MGAT4C: variants seen among roughly 807,000 people sequenced by gnomAD.
MGAT4C encodes the protein alpha-1,3-mannosyl-glycoprotein 4-beta-N-acetylglucosaminyltransferase C.
A neutral mutation model predicts 40.1 loss-of-function variants in MGAT4C; 19 were observed. The observed-to-expected ratio is 0.47, with a 90% CI of 0.33 to 0.70. The LOEUF (loss-of-function observed/expected upper bound fraction) is 0.70, where lower values mean the gene tolerates loss of function less well. MGAT4C is among the 30% of genes least tolerant of loss of function. The probability of loss-of-function intolerance (pLI) is 0.02; values close to 1 mark genes in which losing one functional copy is unlikely to be tolerated. For missense variants in MGAT4C, 491 were observed against 563.2 expected, an observed-to-expected ratio of 0.87 and a Z score of 1.30; for synonymous variants, 181 against 187.1, an observed-to-expected ratio of 0.97 and a Z score of 0.27.
chr12:86,124,308 C>T (rs760766599), intron 1 of MGAT4C, among the ~76,000 whole-genome samples: 1 of 152,020 alleles, frequency 6.6e-6, no homozygotes, highest in Non-Finnish European at 1.5e-5. Flanking sequence ...TGATAATTTA[C>T]TAGTAGGATA....
At chr12:86,171,554 T>C (rs1472542261) in intron 1 of MGAT4C, among the ~76,000 whole-genome samples, 4 of 152,160 alleles carry the variant, frequency 2.6e-5, no homozygotes, top group Non-Finnish European at 5.9e-5. Flanking sequence ...GAGTTTATAA[T>C]TTCCATTTAA....
chr12:86,696,083 G>A (rs1057398297), intron 2 of MGAT4C, among the ~76,000 whole-genome samples: 17 of 151,824 alleles, frequency 1.1e-4, no homozygotes, highest in Admixed American at 2.0e-4. Context: ...GTGGTGGTGC[G>A]CACCTGTATT....
rs139108364 is a variant in MGAT4C, at chr12:86,595,236, C to T, written c.-229+131973G>A. Among the ~76,000 whole-genome samples the T allele has an allele frequency of 6.2e-3, 949 of 152,140 alleles. 8 individuals are homozygous for T. The highest frequency in any genetic ancestry group is 8.8e-3 in the Non-Finnish European group (597 of 67,984). On this transcript the variant is annotated intron_variant, in intron 2 of 7. Coordinates refer to the MGAT4C transcript ENST00000548651. ...GTTCATCCTTAAAAACCTAAATAAC[C>T]GTTCTTTTAAAACTGATCATCTATT... is the stretch of plus-strand genomic sequence containing the variant.
At chr12:86,114,722 A>G (rs1878083407) in intron 1 of MGAT4C, among the ~76,000 whole-genome samples, 1 of 151,894 alleles carries the variant, frequency 6.6e-6, no homozygotes, top group South Asian at 2.1e-4. Flanking sequence ...TTGATATTAG[A>G]TAGCTGAGAT....
At chr12:86,372,859 A>C (rs1351957362) in intron 3 of MGAT4C, among the ~76,000 whole-genome samples, 2 of 151,750 alleles carry the variant, frequency 1.3e-5, no homozygotes, top group Non-Finnish European at 3.0e-5. Context: ...CTATCAATTG[A>C]CACATTGTAG....
chr12:86,350,633 G>A (rs2136191518), intron 3 of MGAT4C, among the ~76,000 whole-genome samples: 1 of 152,218 alleles, frequency 6.6e-6, no homozygotes, highest in African/African-American at 2.4e-5. Flanking sequence ...TTAGGCTTGT[G>A]CCAAAAATGT....
intron 2 of MGAT4C, among the ~76,000 whole-genome samples, chr12:86,557,659 A>C (rs1348207928): frequency 6.6e-6 from 1 of 152,240 alleles, no homozygotes; most frequent in African/African-American, 2.4e-5. Context: ...ACTACATAAC[A>C]GTACCTGCTC....
intron 3 of MGAT4C, among the ~76,000 whole-genome samples, chr12:86,337,008 T>C (rs1387668033): frequency 6.6e-6 from 1 of 152,150 alleles, no homozygotes; most frequent in Non-Finnish European, 1.5e-5. Flanking sequence ...CTCTCTAAAC[T>C]TCAGCTTCTT....
chr12:86,730,600 AT>A (rs1219537861), intron 1 of MGAT4C, among the ~76,000 whole-genome samples: 3 of 151,852 alleles, frequency 2.0e-5, no homozygotes, highest in African/African-American at 7.3e-5. Context: ...CAGATGAGCA[AT>A]TTTTTTTCTA....
At chr12:86,493,343 A>C (rs913113960) in intron 2 of MGAT4C, among the ~76,000 whole-genome samples, 7 of 151,970 alleles carry the variant, frequency 4.6e-5, no homozygotes, top group East Asian at 1.9e-4. Flanking sequence ...AAGACACATG[A>C]ACACGTATGT....
intron 2 of MGAT4C, among the ~76,000 whole-genome samples, chr12:86,514,783 T>C (rs1004972162): frequency 8.5e-5 from 13 of 152,194 alleles, no homozygotes; most frequent in African/African-American, 3.1e-4. Context: ...GTTCCAGAGA[T>C]TAGAATGTGA....
At chr12:86,804,363 A>G (rs950117669) in intron 1 of MGAT4C, among the ~76,000 whole-genome samples, 1 of 149,936 alleles carries the variant, frequency 6.7e-6, no homozygotes, top group Non-Finnish European at 1.5e-5. Context: ...ACATGTATAC[A>G]TATGTAACTA....
chr12:86,492,570 G>T (rs182334371), intron 2 of MGAT4C, among the ~76,000 whole-genome samples: 9,758 of 152,202 alleles, frequency 0.064, 746 homozygotes, highest in East Asian at 0.23. Flanking sequence ...TAATAAAATG[G>T]TGCTGGGAAA....
chr12:86,661,814 C>T (rs558826320), intron 2 of MGAT4C, among the ~76,000 whole-genome samples: 15 of 152,020 alleles, frequency 9.9e-5, no homozygotes, highest in Non-Finnish European at 1.9e-4. Context: ...TGGTGTGTGC[C>T]TGTAGTTCCA....
At chr12:86,219,516 G>T (rs1950801514) in intron 1 of MGAT4C, among the ~76,000 whole-genome samples, 1 of 152,100 alleles carries the variant, frequency 6.6e-6, no homozygotes, top group Non-Finnish European at 1.5e-5. Context: ...CACCTTCAAT[G>T]CATGTTTTCT....
chr12:86,569,115 A>C (rs2136419503), intron 2 of MGAT4C, among the ~76,000 whole-genome samples: 1 of 152,180 alleles, frequency 6.6e-6, no homozygotes, highest in East Asian at 1.9e-4. Flanking sequence ...CTTCAGGAGA[A>C]TAGTCTAGGC....
chr12:86,060,632 CT>C (rs1893864179), intron 1 of MGAT4C, among the ~76,000 whole-genome samples: 1 of 152,030 alleles, frequency 6.6e-6, no homozygotes, highest in South Asian at 2.1e-4. Context: ...CAATTTGCAG[CT>C]GTTAAAATCT....
intron 2 of MGAT4C, among the ~76,000 whole-genome samples, chr12:86,473,149 G>T (rs919132158): frequency 6.6e-6 from 1 of 152,048 alleles, no homozygotes; most frequent in Non-Finnish European, 1.5e-5. Context: ...AAGAGGCAGG[G>T]TTTCATCATG....
In MGAT4C at chr12:86,266,783, GA is replaced by G. The variant is rs762659222; in HGVS notation, c.-57+67281del. On this transcript the variant is annotated intron_variant, in intron 4 of 7. Transcript: ENST00000548651. ...GGCACTGGGATTTTCTTTGTTGAAA[GA>G]TTTTTTTTTTTATTACTGACTCAAT... Among the ~76,000 whole-genome samples, 189 of 151,852 alleles carry G rather than the reference GA, an allele frequency of 1.2e-3. 2 individuals carry two copies. The highest frequency in any genetic ancestry group is 2.4e-3 in the Non-Finnish European group (166 of 67,914).
Sources: gnomAD v4.1 joint callset for allele counts (sites outside exome capture counted in the v4.1 genomes callset) on GRCh38, gnomAD v4.1.1 for gene constraint, MANE v1.5 for transcripts, NCBI Gene and HGNC (gene_info 2026-07-23, HGNC 2026-07-21) for gene names.